TACC1: variants seen among roughly 807,000 people sequenced by gnomAD.
TACC1 encodes transforming acidic coiled-coil-containing protein 1.
In TACC1, 48 loss-of-function variants were observed where a neutral mutation model predicts 84.4. The observed-to-expected ratio is 0.57, with a 90% CI of 0.45 to 0.72. The LOEUF is 0.72. Ranked by LOEUF, TACC1 falls within the 30% of genes least tolerant of loss-of-function variation. The pLI, the probability that TACC1 is intolerant of heterozygous loss-of-function variation, is 0.00. For missense variants in TACC1, 920 were observed against 973.0 expected (o/e 0.95, Z 0.72); for synonymous variants, 372 against 376.3 (o/e 0.99, Z 0.13).
At chr8:38,752,244 C>T (rs927138121) in intron 3 of TACC1, among the ~76,000 whole-genome samples, 2 of 152,154 alleles carry the variant, frequency 1.3e-5, no homozygotes, top group African/African-American at 4.8e-5. Flanking sequence ...CTGAGGCAGG[C>T]AGATTGCCTG....
chr8:38,825,003 T>C (rs1183197072), intron 3 of TACC1, among the ~76,000 whole-genome samples: 1 of 152,118 alleles, frequency 6.6e-6, no homozygotes, highest in East Asian at 1.9e-4. Flanking sequence ...CTGCAAAGCT[T>C]TTGGTGGCGT....
intron 3 of TACC1, among the ~76,000 whole-genome samples, chr8:38,759,981 A>G (rs1213838222): frequency 6.6e-6 from 1 of 152,152 alleles, no homozygotes; most frequent in Non-Finnish European, 1.5e-5. Context: ...CGCTGACCTC[A>G]AGGAAGTTCT....
chr8:38,781,589 C>G (rs1482615897), intron 3 of TACC1, among the ~76,000 whole-genome samples: 1 of 152,116 alleles, frequency 6.6e-6, no homozygotes, highest in East Asian at 1.9e-4. Flanking sequence ...CCGTGTTGGC[C>G]AGGCTGGTCT....
chr8:38,840,440 C>T, intron 9 of TACC1, 173 bp downstream of exon 9: 1 of 533,558 alleles, frequency 1.9e-6, no homozygotes, highest in Non-Finnish European at 3.3e-6. Flanking sequence ...TGGGGAGGGC[C>T]CATTCCTCAT....
chr8:38,843,221 A>G, intron 10 of TACC1, 68 bp from the exon 11 acceptor site: 2 of 1,067,476 alleles, frequency 1.9e-6, no homozygotes, highest in Non-Finnish European at 2.7e-6. Flanking sequence ...AAAAATGAAA[A>G]CTCTGATATG....
intron 2 of TACC1, among the ~76,000 whole-genome samples, chr8:38,812,417 CCT>C (rs931468934): frequency 2.0e-4 from 31 of 152,192 alleles, no homozygotes; most frequent in African/African-American, 7.0e-4. Flanking sequence ...CTGTAAAATT[CCT>C]CTCTTTATAC....
intron 1 of TACC1, among the ~76,000 whole-genome samples, chr8:38,787,951 G>C (rs954634560): frequency 6.6e-6 from 1 of 152,216 alleles, no homozygotes; most frequent in East Asian, 1.9e-4. Flanking sequence ...TTCGCTAGGA[G>C]AGTTCCGCAC....
intron 1 of TACC1, among the ~76,000 whole-genome samples, chr8:38,738,884 T>C (rs967020214): frequency 6.6e-6 from 1 of 152,290 alleles, no homozygotes; most frequent in African/African-American, 2.4e-5. Context: ...GAGGTATATG[T>C]GTGTGTGCTG....
At chr8:38,787,010 G>T (rs1012523091), upstream of TACC1, among the ~76,000 whole-genome samples, 2 of 151,848 alleles carry the variant, frequency 1.3e-5, no homozygotes, top group Non-Finnish European at 2.9e-5. Flanking sequence ...GCGGACCTGT[G>T]GGGTATGACC....
intron 1 of TACC1, among the ~76,000 whole-genome samples, chr8:38,735,782 C>T (rs1805848891): frequency 6.6e-6 from 1 of 152,170 alleles, no homozygotes; most frequent in African/African-American, 2.4e-5. Flanking sequence ...ACCTGCTGGG[C>T]TCCTGACTGA....
intron 3 of TACC1, among the ~76,000 whole-genome samples, chr8:38,777,947 G>A (rs1038647280): frequency 6.6e-6 from 1 of 152,160 alleles, no homozygotes; most frequent in African/African-American, 2.4e-5. Context: ...AAATTCAGAG[G>A]GTTCTTTTGC....
At chr8:38,782,218 T>C (rs1816149200) in intron 3 of TACC1, among the ~76,000 whole-genome samples, 1 of 152,152 alleles carries the variant, frequency 6.6e-6, no homozygotes, top group South Asian at 2.1e-4. Flanking sequence ...CCCCTTCCTG[T>C]GTCCATGTGA....
rs1267911433 is a variant in TACC1, at chr8:38,819,800, AG to A, written c.557del (p.Ser186ThrfsTer11). The A allele has an allele frequency of 6.2e-7, 1 of 1,613,852 alleles. No homozygotes were observed. The highest frequency in any genetic ancestry group is 8.5e-7 in the Non-Finnish European group (1 of 1,180,050). On this transcript the variant is annotated frameshift_variant, in exon 3 of 13. Coordinates refer to ENST00000317827, the MANE Select transcript of TACC1 (RefSeq NM_006283.3). LOFTEE classifies it high-confidence loss of function. ...TAVSGKALPS[S>X]PPDALQDEAM... is the part of the protein sequence containing the mutation. Reference sequence around the variant, plus strand: ...AGTCTCAGGCAAGGCTCTGCCTTCCAGCCCGCCAGACGCCCTCCAGGACGAG... The same window carrying A: ...AGTCTCAGGCAAGGCTCTGCCTTCCACCCGCCAGACGCCCTCCAGGACGAG...
At chr8:38,729,033 C>T (rs1041383262) in intron 1 of TACC1, among the ~76,000 whole-genome samples, 1 of 151,430 alleles carries the variant, frequency 6.6e-6, no homozygotes, top group Non-Finnish European at 1.5e-5. Flanking sequence ...TTTTTTCTTT[C>T]CGCCCCTGAA....
chr8:38,832,625 C>T (rs901642174), intron 6 of TACC1, among the ~76,000 whole-genome samples: 1 of 152,220 alleles, frequency 6.6e-6, no homozygotes, highest in Non-Finnish European at 1.5e-5. Flanking sequence ...GGTGGCTGGA[C>T]TAAGGCCAGA....
At chr8:38,792,356 T>C (rs1818867520) in intron 2 of TACC1, among the ~76,000 whole-genome samples, 1 of 152,230 alleles carries the variant, frequency 6.6e-6, no homozygotes, top group South Asian at 2.1e-4. Context: ...TGCAGTAGTA[T>C]GATCATAGCT....
At chr8:38,810,661 A>G (rs562354987) in intron 2 of TACC1, among the ~76,000 whole-genome samples, 146 of 152,310 alleles carry the variant, frequency 9.6e-4, no homozygotes, top group African/African-American at 3.4e-3. Context: ...GTTAAAGCTC[A>G]AAGATGAAAG....
At chr8:38,742,578 G>T in intron 2 of TACC1, 1 of 703,696 alleles carries the variant, frequency 1.4e-6, no homozygotes, top group Admixed American at 2.7e-5. Context: ...AGGAAATAAT[G>T]ATCGAGGAAA....
chr8:38,799,807 A>G (rs776983663), intron 2 of TACC1: 6 of 152,192 alleles, frequency 3.9e-5, no homozygotes, highest in Non-Finnish European at 8.8e-5. Flanking sequence ...AATTGATGGG[A>G]TGGTGAGACC....
Sources: gnomAD v4.1 joint callset for allele counts (sites outside exome capture counted in the v4.1 genomes callset) on GRCh38, gnomAD v4.1.1 for gene constraint, MANE v1.5 for transcripts, NCBI Gene and HGNC (gene_info 2026-07-23, HGNC 2026-07-21) for gene names.